The following TYW1 variants were observed in gnomAD, a reference collection of about 807,000 sequenced individuals.
The protein encoded by TYW1 is S-adenosyl-L-methionine-dependent tRNA 4-demethylwyosine synthase TYW1.
Under a neutral mutation model 96.2 loss-of-function variants are expected in TYW1, and 46 were observed. That is an observed-to-expected ratio of 0.48 (90% CI 0.38 to 0.61). The LOEUF (loss-of-function observed/expected upper bound fraction) is 0.61. TYW1 is among the 20% of genes least tolerant of loss of function. The probability of loss-of-function intolerance (pLI) is 0.00; values close to 1 mark genes in which losing one functional copy is unlikely to be tolerated. For synonymous variants in TYW1, 274 were observed against 323.0 expected (o/e 0.85, Z 1.63); for missense variants, 684 against 909.6 (o/e 0.75, Z 3.19).
intron 10 of TYW1, among the ~76,000 whole-genome samples, chr7:67,069,349 A>G (rs1365834427): frequency 6.6e-6 from 1 of 152,206 alleles, no homozygotes; most frequent in African/African-American, 2.4e-5. Flanking sequence ...ACAAATGACA[A>G]CTTTATATAC....
Position 67,195,180 on chromosome 7 carries a change from A to C in TYW1, c.1820A>C (p.Tyr607Ser), listed in dbSNP as rs768856518. The C allele has an allele frequency of 6.2e-7, 1 of 1,613,870 alleles. No individual in the cohort carries two copies. Among genetic ancestry groups the C allele is most frequent in the Non-Finnish European group, 8.5e-7 (1 of 1,179,984 alleles). The change falls in exon 15 of 16, where the codon TAC (tyrosine) becomes TCC (serine). Residue 607 changes from tyrosine to serine, a missense_variant. Tyr to Ser is a moderately radical substitution (Grantham distance 144). Transcript: ENST00000359626. ...PDFIEVKGVT[Y>S]CGESSASSLT... ...ATACTGTTTCCACAGGGCGTTACCT[A>C]CTGCGGAGAAAGTTCAGCAAGCAGT...
rs57595328 is a variant in TYW1, at chr7:67,220,201, A to ATTTTTTTTTTTTT, written c.1978-18099_1978-18087dup. 5.6e-4 allele frequency among the ~76,000 whole-genome samples: 52 copies of ATTTTTTTTTTTTT among 93,192 alleles called. 4 individuals carry two copies. Among genetic ancestry groups the ATTTTTTTTTTTTT allele is most frequent in the Middle Eastern group, 8.5e-3 (1 of 118 alleles). 61.1% of individuals were successfully genotyped at this position (93,192 alleles called of 152,430 possible). A position where few individuals can be genotyped will look rare whatever the true frequency, so the allele number is the denominator to read the frequency against. ...ATTTTTTAGTTTCATTCATTTATTGATTTTTTTTTTTTTTTTTTTTGAGAT... is the reference window on the plus strand; with the variant it reads ...ATTTTTTAGTTTCATTCATTTATTGATTTTTTTTTTTTTTTTTTTTTTTTTTTTTTTTTGAGAT... On this transcript the variant is annotated intron_variant, in intron 15 of 15. Coordinates refer to ENST00000359626, the MANE Select transcript of TYW1 (RefSeq NM_018264.4).
chr7:67,053,605 C>T (rs1795430421), intron 8 of TYW1, among the ~76,000 whole-genome samples: 1 of 152,178 alleles, frequency 6.6e-6, no homozygotes, highest in Non-Finnish European at 1.5e-5. Flanking sequence ...TTCTCAAACT[C>T]CTGACCTCAG....
chr7:67,199,473 T>G (rs1289851632), intron 15 of TYW1, among the ~76,000 whole-genome samples: 2 of 152,224 alleles, frequency 1.3e-5, no homozygotes, highest in Admixed American at 1.3e-4. Flanking sequence ...AGTATCTCGC[T>G]TCTTACCAAA....
intron 11 of TYW1, among the ~76,000 whole-genome samples, chr7:67,084,525 CTTTTTT>C (rs11445938): frequency 6.9e-6 from 1 of 145,648 alleles, no homozygotes; most frequent in African/African-American, 2.5e-5. Flanking sequence ...TTTCTTTCTT[CTTTTTT>C]TTTTTTGGAC....
chr7:67,182,566 A>G (rs182358409), intron 13 of TYW1, among the ~76,000 whole-genome samples: 3 of 152,272 alleles, frequency 2.0e-5, no homozygotes, highest in Non-Finnish European at 4.4e-5. Context: ...CTCTAAAAAA[A>G]TAAAGAAGAA....
intron 11 of TYW1, among the ~76,000 whole-genome samples, chr7:67,093,478 T>C (rs1484593557): frequency 6.6e-6 from 1 of 152,206 alleles, no homozygotes; most frequent in Non-Finnish European, 1.5e-5. Context: ...CCTTCCACTT[T>C]CTGAGTTTTA....
chr7:67,135,605 C>A (rs11761001), intron 13 of TYW1, among the ~76,000 whole-genome samples: 41,561 of 143,980 alleles, frequency 0.29, 6,555 homozygotes, highest in African/African-American at 0.45. Context: ...GTCCAGCCAA[C>A]AGTTTTTTTT....
At chr7:67,056,323 T>C (rs1207050376) in intron 9 of TYW1, among the ~76,000 whole-genome samples, 2 of 151,960 alleles carry the variant, frequency 1.3e-5, no homozygotes, top group Non-Finnish European at 2.9e-5. Flanking sequence ...GAAACCCCGT[T>C]TCTACTAAAA....
intron 3 of TYW1, among the ~76,000 whole-genome samples, chr7:67,008,153 G>A (rs1793666479): frequency 6.6e-6 from 1 of 152,112 alleles, no homozygotes; most frequent in South Asian, 2.1e-4. Flanking sequence ...CTCAGGAACG[G>A]CCGAATGGAA....
intron 7 of TYW1, among the ~76,000 whole-genome samples, chr7:67,047,783 ATTTTTTTTTTTT>A (rs36007120): frequency 7.5e-5 from 6 of 79,872 alleles, no homozygotes; most frequent in South Asian, 4.8e-4. Flanking sequence ...GTGAGTGTCA[ATTTTTTTTTTTT>A]TTTTTTTTTT....
At chr7:67,153,205 C>T (rs1237123563) in intron 13 of TYW1, among the ~76,000 whole-genome samples, 3 of 152,102 alleles carry the variant, frequency 2.0e-5, no homozygotes, top group Admixed American at 1.3e-4. Flanking sequence ...CCTGTAATCC[C>T]GGCACTTTGG....
intron 13 of TYW1, among the ~76,000 whole-genome samples, chr7:67,172,432 T>G (rs2116265087): frequency 6.6e-6 from 1 of 150,530 alleles, no homozygotes; most frequent in Middle Eastern, 3.4e-3. Context: ...TTACCATTCT[T>G]TTTTTTGAGA....
intron 7 of TYW1, among the ~76,000 whole-genome samples, chr7:67,034,398 G>A (rs1270364659): frequency 6.6e-6 from 1 of 152,106 alleles, no homozygotes; most frequent in Non-Finnish European, 1.5e-5. Context: ...GAGCCACTGT[G>A]CCCGGCCTCC....
chr7:67,035,395 C>T (rs1263317092), intron 7 of TYW1, among the ~76,000 whole-genome samples: 8 of 152,046 alleles, frequency 5.3e-5, no homozygotes, highest in African/African-American at 7.3e-5. Flanking sequence ...GGATTACAAG[C>T]GTGAGCCACT....
intron 15 of TYW1, among the ~76,000 whole-genome samples, chr7:67,206,778 G>A (rs1014906005): frequency 6.6e-6 from 1 of 151,976 alleles, no homozygotes; most frequent in South Asian, 2.1e-4. Context: ...ATACATAACC[G>A]AGGGCAGATA....
chr7:67,161,966 G>T (rs1799175288), intron 13 of TYW1, among the ~76,000 whole-genome samples: 1 of 151,972 alleles, frequency 6.6e-6, no homozygotes, highest in African/African-American at 2.4e-5. Context: ...TGTTTTGCAA[G>T]ACCAAGCTTC....
At chr7:67,197,737 C>T (rs1014732511) in intron 15 of TYW1, among the ~76,000 whole-genome samples, 12 of 152,086 alleles carry the variant, frequency 7.9e-5, no homozygotes, top group Admixed American at 6.5e-4. Context: ...GCATCTGACT[C>T]CAGAGCCTGT....
At chr7:67,024,395 G>A (rs1794378989) in intron 6 of TYW1, among the ~76,000 whole-genome samples, 1 of 152,080 alleles carries the variant, frequency 6.6e-6, no homozygotes. Flanking sequence ...TCAAACTCCT[G>A]AGGTTTCAAA....
Sources: allele counts gnomAD v4.1 joint callset (sites outside exome capture counted in the v4.1 genomes callset), GRCh38; gene constraint gnomAD v4.1.1; transcripts MANE v1.5; gene names NCBI Gene and HGNC (gene_info 2026-07-23, HGNC 2026-07-21).